Variants in TACR3 observed in about 807,000 individuals in gnomAD.
TACR3 encodes tachykinin receptor 3, also known as neuromedin-K receptor.
A neutral mutation model predicts 35.0 loss-of-function variants in TACR3; 34 were observed. That is an observed-to-expected ratio of 0.97 (90% CI 0.74 to 1.30). TACR3 has a LOEUF of 1.30. Among genes scored for constraint, TACR3 ranks in the 50% most tolerant of loss-of-function variants. The pLI is 0.00. For missense variants in TACR3, 558 were observed against 591.7 expected (o/e 0.94, Z 0.59); for synonymous variants, 233 against 221.1 (o/e 1.05, Z -0.48).
chr4:103,589,807 G>T lies in TACR3; in HGVS notation c.1273C>A (p.Arg425=), dbSNP rs767138892. The T allele has an allele frequency of 1.1e-5, 17 of 1,613,774 alleles. No homozygotes were observed. The highest frequency in any genetic ancestry group is 1.4e-5 in the Non-Finnish European group (17 of 1,179,886). Residue 425 remains arginine, a synonymous_variant, in exon 5 of 5, where the codon CGG becomes AGG. Transcript: ENST00000304883. The part of the protein sequence containing the change: ...PNDADTTRSS[R]KKRATPRDPS... The stretch of plus-strand genomic sequence containing the variant: ...TCTCTTGGCGTTGCTCTTTTCTTCC[G>T]ACTGGACCTGGTGGTGTCTGCATCG...
intron 1 of TACR3, among the ~76,000 whole-genome samples, chr4:103,697,402 G>GTTTATTTATTTATTTA (rs111290581): frequency 1.4e-5 from 2 of 144,874 alleles, no homozygotes; most frequent in African/African-American, 2.6e-5. Context: ...TTATTTATTT[G>GTTTATTTATTTATTTA]TTTATTTATT....
At chr4:103,712,351 C>T (rs1256807482) in intron 1 of TACR3, among the ~76,000 whole-genome samples, 1 of 152,080 alleles carries the variant, frequency 6.6e-6, no homozygotes, top group Non-Finnish European at 1.5e-5. Flanking sequence ...TTTGACAAAC[C>T]TGACAAAAAC....
rs1342696117 is a variant in TACR3, at chr4:103,629,863, A to AC, written c.888+26330_888+26331insG. ...TCCTAAGCAAAACAAAAAAAAAACA[A>AC]AAAAAAAACAAAAAAAACAACAACA... On this transcript the variant is annotated intron_variant, in intron 3 of 4. Coordinates refer to ENST00000304883, the MANE Select transcript of TACR3 (RefSeq NM_001059.3). Among the ~76,000 whole-genome samples the AC allele has an allele frequency of 4.7e-4, 34 of 71,610 alleles. 1 individual carries two copies. The highest frequency in any genetic ancestry group is 9.0e-4 in the Non-Finnish European group (30 of 33,448). 47.0% of individuals were successfully genotyped at this position (71,610 alleles called of 152,430 possible).
At chr4:103,594,452 C>G (rs1003994196) in intron 3 of TACR3, among the ~76,000 whole-genome samples, 5 of 152,144 alleles carry the variant, frequency 3.3e-5, no homozygotes, top group African/African-American at 1.2e-4. Context: ...TCTGGGATTA[C>G]AGGTGTGAGA....
At chr4:103,697,057 G>C (rs766211955) in intron 1 of TACR3, among the ~76,000 whole-genome samples, 33 of 152,126 alleles carry the variant, frequency 2.2e-4, no homozygotes, top group Non-Finnish European at 4.3e-4. Context: ...GGGATTACAG[G>C]TGTGAGCCAC....
At chr4:103,665,193 A>G (rs1353498804) in intron 1 of TACR3, among the ~76,000 whole-genome samples, 1 of 149,924 alleles carries the variant, frequency 6.7e-6, no homozygotes, top group Non-Finnish European at 1.5e-5. Flanking sequence ...TTCAAAGTGA[A>G]TAAGCTTTTA....
rs1578241649 is a variant in TACR3, at chr4:103,647,544, T to G, written c.888+8650A>C. Among the ~76,000 whole-genome samples, 8 of 152,056 alleles carry G rather than the reference T, an allele frequency of 5.3e-5. 2 individuals carry two copies. Among genetic ancestry groups the G allele is most frequent in the Admixed American group, 5.3e-4 (8 of 15,230 alleles). ...TAGTACACATTTTTTGAAGGAGAGC[T>G]TTGGCAAGATTAGTAACCAATTATC... On this transcript the variant is annotated intron_variant, in intron 3 of 4. Transcript: ENST00000304883.
intron 1 of TACR3, among the ~76,000 whole-genome samples, chr4:103,713,125 G>A (rs1419070231): frequency 6.6e-6 from 1 of 152,056 alleles, no homozygotes; most frequent in African/African-American, 2.4e-5. Flanking sequence ...CCATTACTGG[G>A]TATATACCCA....
At chr4:103,593,432 GGTGA>G (rs1723937094) in intron 3 of TACR3, 1 of 152,006 alleles carries the variant, frequency 6.6e-6, no homozygotes, top group East Asian at 1.9e-4. Context: ...ATTGAAATGT[GGTGA>G]GTATGAACAT....
At chr4:103,645,689 T>A (rs1725441783) in intron 3 of TACR3, among the ~76,000 whole-genome samples, 1 of 151,980 alleles carries the variant, frequency 6.6e-6, no homozygotes, top group South Asian at 2.1e-4. Context: ...TTGAGATTCT[T>A]TATTTTGGAA....
At chr4:103,614,745 T>G (rs1247990029) in intron 3 of TACR3, among the ~76,000 whole-genome samples, 3 of 94,460 alleles carry the variant, frequency 3.2e-5, no homozygotes, top group Admixed American at 8.8e-5. Flanking sequence ...AATGCCAAAC[T>G]CAACATACTC....
chr4:103,646,382 ATATAG>A (rs1251903733), intron 3 of TACR3, among the ~76,000 whole-genome samples: 65 of 152,040 alleles, frequency 4.3e-4, no homozygotes, highest in African/African-American at 1.5e-3. Context: ...GGTGGATCTG[ATATAG>A]TATAACATTC....
At chr4:103,618,921 T>C (rs1001167378) in intron 3 of TACR3, among the ~76,000 whole-genome samples, 2 of 152,162 alleles carry the variant, frequency 1.3e-5, no homozygotes, top group African/African-American at 2.4e-5. Context: ...AGAAATGCTA[T>C]TGATTTTTGT....
At chr4:103,621,803 G>A (rs1434922914) in intron 3 of TACR3, among the ~76,000 whole-genome samples, 1 of 152,184 alleles carries the variant, frequency 6.6e-6, no homozygotes, top group East Asian at 1.9e-4. Flanking sequence ...GGAGTGAGAG[G>A]TGGTTAATAA....
intron 3 of TACR3, among the ~76,000 whole-genome samples, chr4:103,604,487 C>G (rs1378006667): frequency 1.3e-5 from 2 of 152,104 alleles, no homozygotes; most frequent in African/African-American, 2.4e-5. Context: ...TGAGAAAAGA[C>G]TTCATGATTA....
Position 103,719,781 on chromosome 4 carries a change from C to CT in TACR3, c.-107dup. Reference sequence around the variant, plus strand: ...CTCCTGGTCACTTTGGTGCCGGAGTCTTCAGATAAGACTGGAAGCTGAAAG... The same window carrying CT: ...CTCCTGGTCACTTTGGTGCCGGAGTCTTTCAGATAAGACTGGAAGCTGAAAG... On this transcript the variant is annotated 5_prime_UTR_variant, in exon 1 of 5. Coordinates refer to ENST00000304883, the MANE Select transcript of TACR3 (RefSeq NM_001059.3). The CT allele has an allele frequency of 7.0e-7, 1 of 1,422,946 alleles. No individual in the cohort carries two copies. Among genetic ancestry groups the CT allele is most frequent in the Non-Finnish European group, 9.6e-7 (1 of 1,039,724 alleles). The allele number at this position is 1,422,946 out of a possible 1,614,324, so 88.1% of individuals were successfully genotyped here. A position where few individuals can be genotyped will look rare whatever the true frequency, so the allele number is the denominator to read the frequency against.
rs145461481 is a variant in TACR3 at position 103,626,740 on chromosome 4, G to T, written c.888+29454C>A. ...TGTTGTTGTTTTCAGTATAGTTTAA[G>T]GTTAAGGGAATTTGTAACTTTATAA... On this transcript the variant is annotated intron_variant, in intron 3 of 4. Coordinates refer to ENST00000304883, the MANE Select transcript of TACR3 (RefSeq NM_001059.3). 9.2e-5 allele frequency among the ~76,000 whole-genome samples: 14 copies of T among 152,238 alleles called. No homozygotes were observed. In the East Asian group the frequency reaches 2.5e-3, roughly 27 times the overall value.
intron 3 of TACR3, among the ~76,000 whole-genome samples, chr4:103,611,948 A>C (rs1018193327): frequency 6.6e-6 from 1 of 152,192 alleles, no homozygotes; most frequent in Non-Finnish European, 1.5e-5. Context: ...CATCTCTACT[A>C]CTATAACCTC....
intron 1 of TACR3, among the ~76,000 whole-genome samples, chr4:103,659,434 A>G (rs1342640952): frequency 2.0e-5 from 3 of 152,156 alleles, no homozygotes; most frequent in Non-Finnish European, 4.4e-5. Flanking sequence ...AATAATATGG[A>G]TTATACCACA....
Sources: gnomAD v4.1 joint callset for allele counts (sites outside exome capture counted in the v4.1 genomes callset) on GRCh38, gnomAD v4.1.1 for gene constraint, MANE v1.5 for transcripts, NCBI Gene and HGNC (gene_info 2026-07-23, HGNC 2026-07-21) for gene names.